Variants in BLOC1S2 observed in about 807,000 individuals in gnomAD.
BLOC1S2 encodes biogenesis of lysosome-related organelles complex 1 subunit 2.
Under a neutral mutation model 19.6 loss-of-function variants are expected in BLOC1S2, and 12 were observed. That is an observed-to-expected ratio of 0.61 (90% CI 0.39 to 0.99). The LOEUF (loss-of-function observed/expected upper bound fraction) is 0.99, where lower values mean the gene tolerates loss of function less well. BLOC1S2 is among the 50% of genes least tolerant of loss of function. The pLI is 0.00. For synonymous variants in BLOC1S2, 66 were observed against 64.1 expected (o/e 1.03, Z -0.14); for missense variants, 142 against 171.0 (o/e 0.83, Z 0.95).
chr10:100,279,454 A>G (rs1246668069), intron 4 of BLOC1S2, among the ~76,000 whole-genome samples: 1 of 152,098 alleles, frequency 6.6e-6, no homozygotes, highest in African/African-American at 2.4e-5. Context: ...ATGTACTTGA[A>G]CCAGATGTGG....
intron 2 of BLOC1S2, among the ~76,000 whole-genome samples, chr10:100,285,690 C>T (rs1848216781): frequency 6.6e-6 from 1 of 152,200 alleles, no homozygotes; most frequent in African/African-American, 2.4e-5. Context: ...GCAGGTCACT[C>T]CCCGTTCCTC....
At chr10:100,277,456 TGGG>T (rs1185114726) in intron 4 of BLOC1S2, among the ~76,000 whole-genome samples, 1 of 112,306 alleles carries the variant, frequency 8.9e-6, no homozygotes, top group African/African-American at 3.5e-5. Context: ...GGGAGGGAGG[TGGG>T]GGGGTCAGCC....
At position 100,286,589 on chromosome 10, in the gene BLOC1S2, C is replaced by A. The variant is rs765960115; in HGVS notation, c.55+16G>T. The A allele has an allele frequency of 4.3e-6, 7 of 1,612,940 alleles. No homozygotes were observed. The highest frequency in any genetic ancestry group is 5.1e-6 in the Non-Finnish European group (6 of 1,179,316). On this transcript the variant is annotated intron_variant, in intron 1 of 4. Coordinates refer to ENST00000370372, the MANE Select transcript of BLOC1S2 (RefSeq NM_173809.5). ...GGCCCCCCACCGGACGCTTCCTCCC[C>A]ATCCATTCCGGGTACCTCGGGCGGG...
At position 100,275,426 on chromosome 10, in the gene BLOC1S2, A is replaced by T. The variant is rs191865321; in HGVS notation, c.*36T>A. 1.8e-6 allele frequency: 2 copies of T among 1,090,146 alleles called. No homozygotes were observed. Among genetic ancestry groups the T allele is most frequent in the Non-Finnish European group, 1.2e-6 (1 of 803,176 alleles). The allele number at this position is 1,090,146 out of a possible 1,614,324, so 67.5% of individuals were successfully genotyped here. A position where few individuals can be genotyped will look rare whatever the true frequency, so the allele number is the denominator to read the frequency against. On this transcript the variant is annotated 3_prime_UTR_variant, in exon 5 of 5. Coordinates refer to ENST00000370372, the MANE Select transcript of BLOC1S2 (RefSeq NM_173809.5). ...GTTTTATAAGACATTCTTCCACATT[A>T]AAAAAAAAAGACTCTGTCCCATAGA...
At chr10:100,280,549 G>T (rs1188514858) in intron 3 of BLOC1S2, among the ~76,000 whole-genome samples, 1 of 152,130 alleles carries the variant, frequency 6.6e-6, no homozygotes, top group East Asian at 1.9e-4. Flanking sequence ...CTAGAGAAAA[G>T]AAACACAAAA....
intron 4 of BLOC1S2, among the ~76,000 whole-genome samples, chr10:100,279,038 G>T (rs2134357549): frequency 6.6e-6 from 1 of 151,900 alleles, no homozygotes; most frequent in African/African-American, 2.4e-5. Flanking sequence ...AGCGAGCTAT[G>T]ATCACGTCAT....
chr10:100,283,496 A>G (rs556402078), intron 2 of BLOC1S2, among the ~76,000 whole-genome samples: 98 of 152,110 alleles, frequency 6.4e-4, no homozygotes, highest in African/African-American at 2.2e-3. Flanking sequence ...TTTCATCTGA[A>G]TTATTGCTCA....
rs867762928 is a variant in BLOC1S2, at chr10:100,273,358, G to A, written c.*2104C>T. 1.3e-5 allele frequency: 2 copies of A among 152,152 alleles called. No individual in the cohort carries two copies. Among genetic ancestry groups the A allele is most frequent in the Middle Eastern group, 6.8e-3 (2 of 294 alleles). The allele number at this position is 152,152 out of a possible 1,614,324, so 9.4% of individuals were successfully genotyped here. A position where few individuals can be genotyped will look rare whatever the true frequency, so the allele number is the denominator to read the frequency against. On this transcript the variant is annotated 3_prime_UTR_variant, in exon 5 of 5. Coordinates refer to ENST00000370372, the MANE Select transcript of BLOC1S2 (RefSeq NM_173809.5). Reference sequence around the variant, plus strand: ...TGTATTAAATTATCACTTGTACTCTGAAAATACATACATCTATTACACATC... The same window carrying A: ...TGTATTAAATTATCACTTGTACTCTAAAAATACATACATCTATTACACATC...
chr10:100,284,501 T>G (rs1034124065), intron 2 of BLOC1S2, among the ~76,000 whole-genome samples: 20 of 152,234 alleles, frequency 1.3e-4, no homozygotes, highest in African/African-American at 4.6e-4. Flanking sequence ...CTCTATTATT[T>G]ATTTATTTAG....
chr10:100,279,070 C>T (rs530953811), intron 4 of BLOC1S2, among the ~76,000 whole-genome samples: 118 of 151,480 alleles, frequency 7.8e-4, no homozygotes, highest in African/African-American at 2.3e-3. Context: ...CTGGGTGACA[C>T]AGCAAGACCT....
rs751808615 is a variant in BLOC1S2, at chr10:100,275,483, G to A, written c.408C>T (p.Tyr136=). The change falls in exon 5 of 5, where the codon TAC becomes TAT. Residue 136 remains tyrosine, a synonymous_variant. Transcript: ENST00000370372. ...TTTCTCATCGCTTCTCCAGCTTCTTGTACTTGGCTTCTGTGAGGGATGAGG... is the reference window on the plus strand; with the variant it reads ...TTTCTCATCGCTTCTCCAGCTTCTTATACTTGGCTTCTGTGAGGGATGAGG... ...DAYSKKLEAK[Y]KKLEKR is the part of the protein sequence containing the mutation. The A allele has an allele frequency of 6.2e-7, 1 of 1,603,818 alleles. No homozygotes were observed. Among genetic ancestry groups the A allele is most frequent in the Non-Finnish European group, 8.5e-7 (1 of 1,173,410 alleles).
At chr10:100,280,856 T>G in intron 3 of BLOC1S2, 78 bp downstream of exon 3, 1 of 1,469,266 alleles carries the variant, frequency 6.8e-7, no homozygotes. Context: ...GATGTCATGT[T>G]CCCTCCTCTT....
chr10:100,277,365 T>A (rs1847922010), intron 4 of BLOC1S2, among the ~76,000 whole-genome samples: 1 of 147,602 alleles, frequency 6.8e-6, no homozygotes, highest in Non-Finnish European at 1.5e-5. Flanking sequence ...AGCCGCCCCG[T>A]CCGGGAGGTG....
At chr10:100,280,000 T>G in intron 4 of BLOC1S2, 124 bp downstream of exon 4, 1 of 505,846 alleles carries the variant, frequency 2.0e-6, no homozygotes, top group Non-Finnish European at 3.4e-6. Context: ...AATAAATTAC[T>G]AAGGTTTTGT....
chr10:100,280,981 T>G lies in BLOC1S2; in HGVS notation c.245A>C (p.Asp82Ala). ...LTSLKYLEMK[D>A]IAINISRNLK... ...GTTCCTACTAATGTTTATAGCAATA[T>G]CTTTCATTTCAAGATACTTCAAGCT... Residue 82 changes from aspartate to alanine, a missense_variant, in exon 3 of 5, where the codon GAT (aspartate) becomes GCT (alanine). Asp to Ala is a moderately radical substitution (Grantham distance 126, BLOSUM62 -2). Coordinates refer to ENST00000370372, the MANE Select transcript of BLOC1S2 (RefSeq NM_173809.5). The G allele has an allele frequency of 6.2e-7, 1 of 1,613,770 alleles. No individual in the cohort carries two copies. Among genetic ancestry groups the G allele is most frequent in the Non-Finnish European group, 8.5e-7 (1 of 1,179,874 alleles).
rs540498830 is a variant in BLOC1S2, at chr10:100,286,660, A to G, written c.-1T>C. On this transcript the variant is annotated 5_prime_UTR_variant, in exon 1 of 5. Transcript: ENST00000370372. ...GTACGCCCTCGGCTGCCGCCGCCAT[A>G]GCGGACCCCGCGCTGTTTCCGGGCC... 3.4e-5 allele frequency: 55 copies of G among 1,610,464 alleles called. No individual in the cohort carries two copies. The African/African-American group carries it at 4.7e-4, about 14-fold the overall frequency.
At position 100,274,786 on chromosome 10, in the gene BLOC1S2, T is replaced by C. The variant is rs561616509; in HGVS notation, c.*676A>G. 19 of 395,462 alleles carry C rather than the reference T, an allele frequency of 4.8e-5. No homozygotes were observed. The Admixed American group carries it at 6.6e-4, about 14-fold the overall frequency. 24.5% of individuals were successfully genotyped at this position (395,462 alleles called of 1,614,324 possible). A position where few individuals can be genotyped will look rare whatever the true frequency, so the allele number is the denominator to read the frequency against. ...CACACATACCCATCTAGTCTTTGTT[T>C]TCATCACATTTCCCAAACTGATCGC... On this transcript the variant is annotated 3_prime_UTR_variant, in exon 5 of 5. Coordinates refer to ENST00000370372, the MANE Select transcript of BLOC1S2 (RefSeq NM_173809.5).
chr10:100,285,544 C>CCTTTAATCCCATACTTTAA (rs1046573648), intron 2 of BLOC1S2, among the ~76,000 whole-genome samples: 7 of 152,208 alleles, frequency 4.6e-5, no homozygotes, highest in Non-Finnish European at 8.8e-5. Flanking sequence ...TGAGCCACCG[C>CCTTTAATCCCATACTTTAA]GCCCTGCCCA....
At chr10:100,283,052 A>G (rs770211843) in intron 2 of BLOC1S2, 24 of 397,706 alleles carry the variant, frequency 6.0e-5, no homozygotes, top group Admixed American at 1.8e-4. Context: ...TTCCCTAGTT[A>G]CATCAACAAG....
Sources: gnomAD v4.1 joint callset for allele counts (sites outside exome capture counted in the v4.1 genomes callset) on GRCh38, gnomAD v4.1.1 for gene constraint, MANE v1.5 for transcripts, NCBI Gene and HGNC (gene_info 2026-07-23, HGNC 2026-07-21) for gene names.